Variants in EPG5 observed in about 807,000 individuals in gnomAD.
EPG5 encodes ectopic P granules protein 5 homolog.
Under a neutral mutation model 302.7 loss-of-function variants are expected in EPG5, and 159 were observed. The ratio of observed to expected loss-of-function variants is 0.53; its 90% confidence interval spans 0.46 to 0.60. The LOEUF (loss-of-function observed/expected upper bound fraction) is 0.60. EPG5 is among the 20% of genes least tolerant of loss of function. EPG5 has a pLI of 0.00. For missense variants in EPG5, 2,896 were observed against 3,092.4 expected (o/e 0.94, Z 1.51); for synonymous variants, 1,158 against 1,136.8 (o/e 1.02, Z -0.37).
chr18:45,921,350 G>C (rs998719815), intron 16 of EPG5, among the ~76,000 whole-genome samples: 3 of 152,154 alleles, frequency 2.0e-5, no homozygotes, highest in African/African-American at 7.2e-5. Context: ...GAAAGCAGAG[G>C]TCAAAGAGTG....
At chr18:45,937,206 AG>A (rs2050547875) in intron 10 of EPG5, among the ~76,000 whole-genome samples, 1 of 150,532 alleles carries the variant, frequency 6.6e-6, no homozygotes, top group Admixed American at 6.7e-5. Flanking sequence ...GCAGACATTC[AG>A]GAAGTCTGGC....
Position 45,954,661 on chromosome 18 carries a change from C to A in EPG5, c.741G>T (p.Pro247=), listed in dbSNP as rs765449856. Residue 247 remains proline (P), a synonymous_variant, in exon 2 of 44, where the codon CCG becomes CCT. Coordinates refer to ENST00000282041, the MANE Select transcript of EPG5 (RefSeq NM_020964.3). ...TAAATGGTACTAGTTCCAGTTGAGACGGGAGTTCTGGGTAGAGTCGCTCAC... is the reference window on the plus strand; with the variant it reads ...TAAATGGTACTAGTTCCAGTTGAGAAGGGAGTTCTGGGTAGAGTCGCTCAC... ...LRSERLYPEL[P]SQLELVPFTK... The A allele has an allele frequency of 1.2e-6, 2 of 1,614,188 alleles. No homozygotes were observed. The highest frequency in any genetic ancestry group is 1.7e-6 in the Non-Finnish European group (2 of 1,180,030).
the EPG5 span, among the ~76,000 whole-genome samples, chr18:45,809,398 T>A: frequency 2.0e-5 from 3 of 152,124 alleles, no homozygotes; most frequent in Non-Finnish European, 4.4e-5. Flanking sequence ...GAACATTCCA[T>A]CTAACAACTG....
chr18:45,954,606 C>A lies in EPG5; in HGVS notation c.796G>T (p.Gly266Cys). 1.2e-6 allele frequency: 2 copies of A among 1,614,254 alleles called. No homozygotes were observed. The highest frequency in any genetic ancestry group is 1.7e-6 in the Non-Finnish European group (2 of 1,180,042). The change falls in exon 2 of 44, where the codon GGT becomes TGT. Residue 266 changes from glycine to cysteine, a missense_variant. By Grantham distance (159) the Gly-to-Cys change is radical. Coordinates refer to ENST00000282041, the MANE Select transcript of EPG5 (RefSeq NM_020964.3). ...GACTCAACATTTTCCAGCCATGAACCAGGCTCCAAGATTTTTAGCTGTTCT... is the reference window on the plus strand; with the variant it reads ...GACTCAACATTTTCCAGCCATGAACAAGGCTCCAAGATTTTTAGCTGTTCT... ...TKEQLKILEPGSWLENVESYL... is the reference protein window; with the variant it reads ...TKEQLKILEPCSWLENVESYL...
chr18:45,903,881 G>T (rs1233523992), intron 25 of EPG5, 92 bp downstream of exon 25: 53 of 1,300,492 alleles, frequency 4.1e-5, no homozygotes, highest in Non-Finnish European at 4.9e-5. Context: ...AATGAACACT[G>T]GGGGAATAAA....
rs1404781880 is a variant in EPG5, at chr18:45,847,853, T to G, written c.*4614A>C. ...TAAGTATGTGTCTCCACATAAGTGA[T>G]TTTAAACTATTGAAAGAAAAATAAA... On this transcript the variant is annotated 3_prime_UTR_variant, in exon 44 of 44. Transcript: ENST00000282041. 6.6e-6 allele frequency: 1 copy of G among 152,474 alleles called. No homozygotes were observed. The highest frequency in any genetic ancestry group is 2.4e-5 in the African/African-American group (1 of 41,392). 9.4% of individuals were successfully genotyped at this position (152,474 alleles called of 1,614,324 possible). A position where few individuals can be genotyped will look rare whatever the true frequency, so the allele number is the denominator to read the frequency against.
the EPG5 span, among the ~76,000 whole-genome samples, chr18:45,833,184 T>G: frequency 4.1e-4 from 62 of 152,156 alleles, no homozygotes; most frequent in African/African-American, 1.4e-3. Flanking sequence ...GAGGCAAAAC[T>G]ACCCAGGGTT....
chr18:45,883,012 C>CA (rs35030980), intron 30 of EPG5, among the ~76,000 whole-genome samples: 24,767 of 87,388 alleles, frequency 0.28, 2,698 homozygotes, highest in Admixed American at 0.39. Context: ...CGTCTCACAA[C>CA]AAAAAAAAAA....
chr18:45,833,646 T>C, the EPG5 span, among the ~76,000 whole-genome samples: 1 of 152,170 alleles, frequency 6.6e-6, no homozygotes, highest in Admixed American at 6.5e-5. Flanking sequence ...AGGATATCAT[T>C]GAGAATTATA....
chr18:45,837,611 C>G, the EPG5 span: 288 of 1,509,854 alleles, frequency 1.9e-4, no homozygotes, highest in African/African-American at 3.7e-3. Context: ...GCACCCGCAC[C>G]GCCACTACGA....
At position 45,915,588 on chromosome 18, in the gene EPG5, G is replaced by C; in HGVS notation, c.3616C>G (p.Leu1206Val). Residue 1206 changes from leucine (L) to valine (V), a missense_variant, in exon 20 of 44, where the codon CTC (leucine) becomes GTC (valine). This residue lies in a region of EPG5 where 1,390 missense variants were observed against 1,430.0 expected (regional missense o/e 0.97). Coordinates refer to ENST00000282041, the MANE Select transcript of EPG5 (RefSeq NM_020964.3). ...ACAATCCAGCTTACCAAAGATGAGA[G>C]CAGACTCCGGTCACAGTGGTAACCC... The part of the protein sequence containing the change: ...ALGYHCDRSL[L>V]SSLVSWIVAG... 2 of 1,614,188 alleles carry C rather than the reference G, an allele frequency of 1.2e-6. No homozygotes were observed. The highest frequency in any genetic ancestry group is 8.5e-7 in the Non-Finnish European group (1 of 1,180,030).
intron 13 of EPG5, 44 bp downstream of exon 13, chr18:45,928,825 C>T (rs775529396): frequency 6.3e-7 from 1 of 1,590,776 alleles, no homozygotes; most frequent in Non-Finnish European, 8.5e-7. Context: ...TTCCATTACT[C>T]CAAGATTTGA....
chr18:45,937,468 G>C (rs1051102042), intron 10 of EPG5, among the ~76,000 whole-genome samples: 1 of 151,914 alleles, frequency 6.6e-6, no homozygotes, highest in South Asian at 2.1e-4. Context: ...GTACAGTGGC[G>C]CGATCTCAGC....
intron 24 of EPG5, among the ~76,000 whole-genome samples, chr18:45,906,402 G>T (rs539417309): frequency 6.6e-6 from 1 of 152,118 alleles, no homozygotes; most frequent in South Asian, 2.1e-4. Flanking sequence ...CCCGCCTCAG[G>T]TGCTATGCCC....
intron 32 of EPG5, among the ~76,000 whole-genome samples, 163 bp from the exon 33 acceptor site, chr18:45,879,377 T>G (rs1031956879): frequency 3.3e-5 from 5 of 152,176 alleles, no homozygotes; most frequent in Non-Finnish European, 7.4e-5. Context: ...TTGTTTTTGT[T>G]TTTGTTTTGA....
At chr18:45,858,144 G>A (rs1225574171) in intron 41 of EPG5, 76 bp from the exon 42 acceptor site, 2 of 1,058,422 alleles carry the variant, frequency 1.9e-6, no homozygotes, top group African/African-American at 3.1e-5. Flanking sequence ...GTCCACATCA[G>A]AGTTTGAAGG....
At chr18:45,958,761 A>G (rs2051085111) in intron 1 of EPG5, among the ~76,000 whole-genome samples, 1 of 152,254 alleles carries the variant, frequency 6.6e-6, no homozygotes, top group Non-Finnish European at 1.5e-5. Context: ...CTTCTTACAT[A>G]TGGCACCAAA....
intron 29 of EPG5, among the ~76,000 whole-genome samples, chr18:45,886,705 C>A (rs1037198125): frequency 7.9e-5 from 12 of 152,092 alleles, no homozygotes; most frequent in Non-Finnish European, 1.8e-4. Context: ...GTTGCCCAGG[C>A]TGGAGTGCAA....
intron 23 of EPG5, among the ~76,000 whole-genome samples, chr18:45,909,149 A>G (rs1280156906): frequency 6.6e-6 from 1 of 152,110 alleles, no homozygotes; most frequent in Non-Finnish European, 1.5e-5. Context: ...TACCTCTGCA[A>G]CAGCCAGTCC....
Sources: allele counts gnomAD v4.1 joint callset (sites outside exome capture counted in the v4.1 genomes callset), GRCh38; gene constraint gnomAD v4.1.1; regional missense constraint gnomAD v4.1.1; transcripts MANE v1.5; gene names NCBI Gene and HGNC (gene_info 2026-07-23, HGNC 2026-07-21).